DMD: variants seen among roughly 807,000 people sequenced by gnomAD.
DMD encodes dystrophin.
DMD carries 63 observed loss-of-function variants against 330.1 expected under a neutral mutation model. The ratio of observed to expected loss-of-function variants is 0.19; its 90% CI spans 0.16 to 0.24. DMD has a LOEUF of 0.24. Ranked by LOEUF, DMD falls within the 10% of genes least tolerant of loss-of-function variation. DMD has a pLI of 1.00. For missense variants in DMD, 3,344 were observed against 2,684.1 expected, an observed-to-expected ratio of 1.25 and a Z score of -5.43; for synonymous variants, 1,223 against 959.8, an observed-to-expected ratio of 1.27 and a Z score of -5.07.
At chrX:32,510,703 C>T (rs2045204634) in intron 18 of DMD, among the ~76,000 whole-genome samples, 1 of 111,455 alleles carries the variant, frequency 9.0e-6, no homozygotes, top group Non-Finnish European at 1.9e-5. Context: ...ACTCTAATAG[C>T]TTTATATAAA....
chrX:33,299,718 T>C (rs367839527), intron 1 of DMD, among the ~76,000 whole-genome samples: 1 of 112,288 alleles, frequency 8.9e-6, no homozygotes, highest in East Asian at 2.8e-4. Flanking sequence ...TGTTTTACAT[T>C]GTCCTTTTTT....
intron 19 of DMD, among the ~76,000 whole-genome samples, chrX:32,494,612 C>T (rs2043307035): frequency 9.0e-6 from 1 of 111,010 alleles, no homozygotes; most frequent in Non-Finnish European, 1.9e-5. Flanking sequence ...ATATAACTTA[C>T]TTATAACAAA....
At chrX:32,930,164 TAAA>T (rs959345154) in intron 2 of DMD, among the ~76,000 whole-genome samples, 1 of 111,306 alleles carries the variant, frequency 9.0e-6, no homozygotes, top group African/African-American at 3.3e-5. Flanking sequence ...TATTTTATAA[TAAA>T]ATGTTGAATA....
chrX:32,730,247 G>A (rs755460800), intron 7 of DMD, among the ~76,000 whole-genome samples: 2 of 112,334 alleles, frequency 1.8e-5, no homozygotes, highest in Non-Finnish European at 3.7e-5. Context: ...TCAGGAGGCT[G>A]AGCTAGAAGG....
At chrX:32,815,520 T>TATATATATATATACACACACACACACAC in intron 6 of DMD, among the ~76,000 whole-genome samples, 11 of 78,920 alleles carry the variant, frequency 1.4e-4, no homozygotes, top group African/African-American at 5.3e-4. Context: ...TATATATATA[T>TATATATATATATACACACACACACACAC]ACACACACAC....
chrX:31,414,385 G>A (rs1216010964), intron 60 of DMD, among the ~76,000 whole-genome samples: 2 of 111,835 alleles, frequency 1.8e-5, no homozygotes, highest in Admixed American at 9.5e-5. Context: ...AAACATATGG[G>A]GGGAAAAATT....
intron 44 of DMD, among the ~76,000 whole-genome samples, chrX:32,139,586 T>A (rs1366000680): frequency 8.9e-6 from 1 of 112,322 alleles, no homozygotes; most frequent in African/African-American, 3.2e-5. Flanking sequence ...AGATAATGAC[T>A]CACAGTAAAA....
chrX:31,705,955 A>G (rs1216360907), intron 52 of DMD, among the ~76,000 whole-genome samples: 1 of 111,539 alleles, frequency 9.0e-6, no homozygotes, highest in Non-Finnish European at 1.9e-5. Flanking sequence ...TAAGACATTC[A>G]GGAAAGGTTA....
At position 31,794,482 on chromosome X, in the gene DMD, C is replaced by A. The variant is rs142695381; in HGVS notation, c.7310-20290G>T. On this transcript the variant is annotated intron_variant, in intron 50 of 78. Transcript: ENST00000357033. ...TCTAAATCCTTCAGTTATGCTTCACCGATTAAATTATTAAGAACCTCTGAT... is the reference window on the plus strand; with the variant it reads ...TCTAAATCCTTCAGTTATGCTTCACAGATTAAATTATTAAGAACCTCTGAT... Among the ~76,000 whole-genome samples, 634 of 111,447 alleles carry A rather than the reference C, an allele frequency of 5.7e-3. 2 individuals carry two copies. The highest frequency in any genetic ancestry group is 0.02 in the African/African-American group (605 of 30,664).
intron 9 of DMD, among the ~76,000 whole-genome samples, chrX:32,655,448 T>C (rs1348944765): frequency 8.9e-6 from 1 of 112,259 alleles, no homozygotes; most frequent in African/African-American, 3.2e-5. Context: ...TTGAGTGGTT[T>C]TGAGTGAGTT....
intron 1 of DMD, among the ~76,000 whole-genome samples, chrX:33,176,816 A>C (rs2049689363): frequency 9.0e-6 from 1 of 111,136 alleles, no homozygotes; most frequent in Admixed American, 9.6e-5. Flanking sequence ...CTCCACTTGT[A>C]ATCCCAGCTA....
intron 12 of DMD, among the ~76,000 whole-genome samples, chrX:32,601,882 T>C (rs2056248519): frequency 8.9e-6 from 1 of 112,164 alleles, no homozygotes; most frequent in East Asian, 2.8e-4. Flanking sequence ...AATATTAGCA[T>C]CTAATTAGTT....
At chrX:31,383,443 A>C (rs906476904) in intron 60 of DMD, among the ~76,000 whole-genome samples, 1 of 112,058 alleles carries the variant, frequency 8.9e-6, no homozygotes, top group Admixed American at 9.5e-5. Context: ...AGTTAGTATT[A>C]CTTCTGTTGC....
At chrX:33,009,379 TAC>T (rs2093545407) in intron 2 of DMD, among the ~76,000 whole-genome samples, 1 of 55,734 alleles carries the variant, frequency 1.8e-5, no homozygotes, top group South Asian at 9.3e-4. Flanking sequence ...TATGTGTATA[TAC>T]ACGTGTATAT....
At position 31,607,534 on chromosome X, in the gene DMD, G is replaced by A. The variant is rs144702675; in HGVS notation, c.8217+20139C>T. Among the ~76,000 whole-genome samples the A allele has an allele frequency of 1.2e-3, 131 of 111,871 alleles. 3 individuals carry two copies. The highest frequency in any genetic ancestry group is 4.1e-3 in the African/African-American group (128 of 30,860). On this transcript the variant is annotated intron_variant, in intron 55 of 78. Transcript: ENST00000357033. ...AACTCACCTAGCAACAGTTCATGCC[G>A]CTAATTCATTTTAAAGATACATTAA...
chrX:32,767,087 C>A (rs190111018), intron 7 of DMD, among the ~76,000 whole-genome samples: 1 of 111,161 alleles, frequency 9.0e-6, no homozygotes, highest in Admixed American at 9.6e-5. Context: ...AAAAGCAACA[C>A]CGCTAACATT....
rs796291308 is a variant in DMD at position 32,343,243 on chromosome X, T to A, written c.5630A>T (p.His1877Leu). 2 of 1,209,146 alleles carry A rather than the reference T, an allele frequency of 1.7e-6. No homozygotes were observed. Among genetic ancestry groups the A allele is most frequent in the Non-Finnish European group, 2.2e-6 (2 of 893,353 alleles). Reference sequence around the variant, plus strand: ...CTGCCTCTTGTACTGATACCACTGATGAGAAATTTCTAGAGCCTTTTTTCT... The same window carrying A: ...CTGCCTCTTGTACTGATACCACTGAAGAGAAATTTCTAGAGCCTTTTTTCT... ...QRRKKALEISHQWYQYKRQAD... is the reference protein window; with the variant it reads ...QRRKKALEISLQWYQYKRQAD... Residue 1877 changes from histidine to leucine, a missense_variant, in exon 40 of 79, where the codon CAT (histidine) becomes CTT (leucine). Physicochemically the swap from His to Leu is moderately conservative, Grantham distance 99 (BLOSUM62 -3). Coordinates refer to ENST00000357033, the MANE Select transcript of DMD (RefSeq NM_004006.3).
At position 31,399,648 on chromosome X, in the gene DMD, A is replaced by T. The variant is rs1291772362; in HGVS notation, c.9084+44833T>A. Among the ~76,000 whole-genome samples the T allele has an allele frequency of 9.9e-5, 11 of 111,298 alleles. No individual in the cohort carries two copies. In the Admixed American group the frequency reaches 1.1e-3, roughly 11 times the overall value. On this transcript the variant is annotated intron_variant, in intron 60 of 78. Transcript: ENST00000357033. The stretch of plus-strand genomic sequence containing the variant: ...TGACAGGCTATGGATACTGACCTGG[A>T]GGGAGAGAAAGCTGTAGCTATAGAA...
At chrX:31,794,933 C>T (rs1209328954) in intron 50 of DMD, among the ~76,000 whole-genome samples, 2 of 111,717 alleles carry the variant, frequency 1.8e-5, no homozygotes. Flanking sequence ...AAATACTTCT[C>T]GTTGTCATTT....
Sources: gnomAD v4.1 joint callset for allele counts (sites outside exome capture counted in the v4.1 genomes callset) on GRCh38, gnomAD v4.1.1 for gene constraint, MANE v1.5 for transcripts, NCBI Gene and HGNC (gene_info 2026-07-23, HGNC 2026-07-21) for gene names.